DMXL2: variants seen among roughly 807,000 people sequenced by gnomAD.
DMXL2 encodes dmX-like protein 2.
A neutral mutation model predicts 331.1 loss-of-function variants in DMXL2; 103 were observed. The ratio of observed to expected loss-of-function variants is 0.31; its 90% CI spans 0.27 to 0.37. The LOEUF (loss-of-function observed/expected upper bound fraction) is 0.37. Among genes scored for constraint, DMXL2 ranks in the 10% least tolerant of loss-of-function variants. The pLI, the probability that DMXL2 is intolerant of heterozygous loss-of-function variation, is 1.00. For missense variants in DMXL2, 3,171 were observed against 3,642.9 expected, an observed-to-expected ratio of 0.87 and a Z score of 3.33; for synonymous variants, 1,281 against 1,252.1, an observed-to-expected ratio of 1.02 and a Z score of -0.49.
chr15:51,459,490 TTC>T (rs1025649704), intron 34 of DMXL2, 106 bp downstream of exon 34: 18 of 867,516 alleles, frequency 2.1e-5, no homozygotes, highest in Non-Finnish European at 2.8e-5. Flanking sequence ...GTACTATGAG[TTC>T]TCTGAGTAGT....
chr15:51,521,458 AGTAGTG>A (rs1386686704), intron 13 of DMXL2, among the ~76,000 whole-genome samples: 1 of 146,588 alleles, frequency 6.8e-6, no homozygotes, highest in Non-Finnish European at 1.5e-5. Flanking sequence ...TAGTAGTAGT[AGTAGTG>A]GTAGTGGTAG....
intron 32 of DMXL2, 117 bp from the exon 33 acceptor site, chr15:51,463,613 C>A (rs1055099448): frequency 1.6e-6 from 1 of 626,350 alleles, no homozygotes. Context: ...ATTTTTAAAA[C>A]CTTCATAATC....
rs372749193 is a variant in DMXL2, at chr15:51,488,036, G to C, written c.5135C>G (p.Ala1712Gly). ...DRWRKAALKNAFSLLGKQRFE... is the reference protein window; with the variant it reads ...DRWRKAALKNGFSLLGKQRFE... Reference sequence around the variant, plus strand: ...GCGTTGTTTTCCAAGTAAGGAAAAAGCATTTTTCAAAGCAGCTTTTCGCCA... The same window carrying C: ...GCGTTGTTTTCCAAGTAAGGAAAAACCATTTTTCAAAGCAGCTTTTCGCCA... Residue 1712 changes from alanine (A) to glycine (G), a missense_variant, in exon 22 of 44, where the codon GCT becomes GGT. Coordinates refer to ENST00000560891, the MANE Select transcript of DMXL2 (RefSeq NM_001378457.1). The C allele has an allele frequency of 3.7e-6, 6 of 1,612,726 alleles. No homozygotes were observed. The highest frequency in any genetic ancestry group is 1.3e-5 in the African/African-American group (1 of 74,850).
rs1293304519 is a variant in DMXL2 at position 51,486,017 on chromosome 15, C to G, written c.5482+56G>C. The G allele has an allele frequency of 7.4e-6, 11 of 1,486,568 alleles. No individual in the cohort carries two copies. The African/African-American group carries it at 1.4e-4, about 19-fold the overall frequency. The allele number at this position is 1,486,568 out of a possible 1,614,324, so 92.1% of individuals were successfully genotyped here. A position where few individuals can be genotyped will look rare whatever the true frequency, so the allele number is the denominator to read the frequency against. ...TTCTTAATCTAAGTGAACATTAGTT[C>G]AGAAAGTATCTCTTCCTTTAAAAAA... On this transcript the variant is annotated intron_variant, in intron 23 of 43. Coordinates refer to ENST00000560891, the MANE Select transcript of DMXL2 (RefSeq NM_001378457.1).
At chr15:51,473,149 A>C (rs1056362499) in intron 28 of DMXL2, among the ~76,000 whole-genome samples, 2 of 152,052 alleles carry the variant, frequency 1.3e-5, no homozygotes, top group African/African-American at 2.4e-5. Flanking sequence ...GCTCTCCTCA[A>C]ATGCTATCTC....
At chr15:51,456,034 G>C in intron 39 of DMXL2, 32 bp downstream of exon 39, 1 of 1,609,016 alleles carries the variant, frequency 6.2e-7, no homozygotes, top group Non-Finnish European at 8.5e-7. Context: ...ACTATTTTCA[G>C]ATGAATTCAG....
intron 13 of DMXL2, among the ~76,000 whole-genome samples, chr15:51,523,010 T>C (rs1359340730): frequency 1.3e-5 from 2 of 152,222 alleles, no homozygotes; most frequent in African/African-American, 4.8e-5. Context: ...CTGTGCTTCC[T>C]AAATCTACCC....
intron 13 of DMXL2, among the ~76,000 whole-genome samples, chr15:51,535,307 C>T (rs1166529659): frequency 6.6e-6 from 1 of 152,032 alleles, no homozygotes; most frequent in African/African-American, 2.4e-5. Flanking sequence ...TCCAATTTTC[C>T]AACCTAAACA....
intron 1 of DMXL2, among the ~76,000 whole-genome samples, chr15:51,593,281 C>CAA: frequency 6.6e-6 from 1 of 152,124 alleles, no homozygotes; most frequent in Non-Finnish European, 1.5e-5. Context: ...TCTGATAAAA[C>CAA]AGACTTTAAA....
At position 51,536,637 on chromosome 15, in the gene DMXL2, T is replaced by C. The variant is rs1165605569; in HGVS notation, c.1843A>G (p.Lys615Glu). ...TGATTTAAAGAACCATCTATGTGTT[T>C]AGAGATCATCATTACTGTGGGAGCT... ...ILAPTVMMISKHIDGSLNQWA... is the reference protein window; with the variant it reads ...ILAPTVMMISEHIDGSLNQWA... The change falls in exon 12 of 44, where the codon AAA becomes GAA. Residue 615 changes from lysine (K) to glutamate (E), a missense_variant. Coordinates refer to ENST00000560891, the MANE Select transcript of DMXL2 (RefSeq NM_001378457.1). 4.3e-6 allele frequency: 7 copies of C among 1,614,022 alleles called. No homozygotes were observed. Among genetic ancestry groups the C allele is most frequent in the African/African-American group, 1.3e-5 (1 of 74,926 alleles).
chr15:51,451,514 C>CTAAAT (rs1421137040), intron 42 of DMXL2, 131 bp downstream of exon 42: 2 of 708,158 alleles, frequency 2.8e-6, no homozygotes, highest in Non-Finnish European at 4.6e-6. Flanking sequence ...GTCATTCATT[C>CTAAAT]TAAATATTTC....
At position 51,502,587 on chromosome 15, in the gene DMXL2, T is replaced by G. The variant is rs113319617; in HGVS notation, c.2992+219A>C. Reference sequence around the variant, plus strand: ...ATCCACCCACCTCAGCCTCCCAAAGTGCTGGGATTACAGAAGTGAGCCACC... The same window carrying G: ...ATCCACCCACCTCAGCCTCCCAAAGGGCTGGGATTACAGAAGTGAGCCACC... On this transcript the variant is annotated intron_variant, in intron 17 of 43. Transcript: ENST00000560891. Among the ~76,000 whole-genome samples the G allele has an allele frequency of 6.1e-3, 931 of 152,254 alleles. 11 individuals carry two copies. The highest frequency in any genetic ancestry group is 0.021 in the African/African-American group (889 of 41,548).
chr15:51,565,378 C>A (rs2050204824), intron 3 of DMXL2, among the ~76,000 whole-genome samples: 1 of 152,114 alleles, frequency 6.6e-6, no homozygotes, highest in African/African-American at 2.4e-5. Context: ...GAGCTCCTTG[C>A]CATGCCCAAA....
chr15:51,608,642 G>A (rs146298743), intron 1 of DMXL2, among the ~76,000 whole-genome samples: 19 of 152,150 alleles, frequency 1.2e-4, no homozygotes, highest in South Asian at 2.1e-4. Flanking sequence ...ACTACCTATC[G>A]GGAACTATAC....
At chr15:51,471,079 G>C (rs1595924108) in intron 29 of DMXL2, 144 bp downstream of exon 29, 10 of 709,438 alleles carry the variant, frequency 1.4e-5, no homozygotes, top group Non-Finnish European at 1.7e-5. Context: ...TGACTATTCA[G>C]TTTCTGGACT....
chr15:51,536,088 C>G, intron 12 of DMXL2, 78 bp downstream of exon 12: 2 of 1,278,502 alleles, frequency 1.6e-6, no homozygotes, highest in Non-Finnish European at 2.1e-6. Flanking sequence ...TTAATGACAA[C>G]AAATATAAAC....
Position 51,622,603 on chromosome 15 carries a change from C to T in DMXL2, c.-58G>A. The T allele has an allele frequency of 6.6e-7, 1 of 1,508,562 alleles. No homozygotes were observed. The highest frequency in any genetic ancestry group is 8.9e-7 in the Non-Finnish European group (1 of 1,123,454). 93.4% of individuals were successfully genotyped at this position (1,508,562 alleles called of 1,614,324 possible). ...AGGTGCGACAAGCTCCGCGCCTGAC[C>T]CTCCTCGGGCTGCGAGAGCCGTTTC... On this transcript the variant is annotated 5_prime_UTR_variant, in exon 1 of 44. Coordinates refer to ENST00000560891, the MANE Select transcript of DMXL2 (RefSeq NM_001378457.1).
chr15:51,596,082 A>T (rs953633311), intron 1 of DMXL2, among the ~76,000 whole-genome samples: 9 of 152,234 alleles, frequency 5.9e-5, no homozygotes, highest in Non-Finnish European at 8.8e-5. Flanking sequence ...GATCTAATTA[A>T]ACTAAAGAGC....
At chr15:51,604,467 C>T (rs2053446203) in intron 1 of DMXL2, among the ~76,000 whole-genome samples, 1 of 150,420 alleles carries the variant, frequency 6.6e-6, no homozygotes, top group Non-Finnish European at 1.5e-5. Context: ...TCTGTGCAGC[C>T]ATGAACAACT....
Sources: allele counts gnomAD v4.1 joint callset (sites outside exome capture counted in the v4.1 genomes callset), GRCh38; gene constraint gnomAD v4.1.1; transcripts MANE v1.5; gene names NCBI Gene and HGNC (gene_info 2026-07-23, HGNC 2026-07-21).